Variants in ANKRD13C observed in about 807,000 individuals in gnomAD.
The protein encoded by ANKRD13C is ankyrin repeat domain-containing protein 13C.
A neutral mutation model predicts 65.5 loss-of-function variants in ANKRD13C; 16 were observed. The observed-to-expected ratio is 0.24, with a 90% CI of 0.17 to 0.37. ANKRD13C has a LOEUF of 0.37. ANKRD13C is among the 10% of genes least tolerant of loss of function. The probability of loss-of-function intolerance (pLI) is 1.00; values close to 1 mark genes in which losing one functional copy is unlikely to be tolerated. For missense variants in ANKRD13C, 503 were observed against 655.9 expected (o/e 0.77, Z 2.55); for synonymous variants, 235 against 238.7 (o/e 0.98, Z 0.14).
At chr1:70,273,516 T>C (rs1428893468) in intron 11 of ANKRD13C, among the ~76,000 whole-genome samples, 1 of 152,204 alleles carries the variant, frequency 6.6e-6, no homozygotes, top group South Asian at 2.1e-4. Flanking sequence ...TTTACCACAA[T>C]ATTGTTGAAA....
chr1:70,263,071 T>C (rs1006723795), intron 12 of ANKRD13C, among the ~76,000 whole-genome samples: 2 of 152,036 alleles, frequency 1.3e-5, no homozygotes, highest in African/African-American at 2.4e-5. Context: ...TCCAGCATTA[T>C]ATTGAAAACT....
intron 9 of ANKRD13C, among the ~76,000 whole-genome samples, chr1:70,280,715 T>C (rs1443608320): frequency 6.6e-6 from 1 of 152,176 alleles, no homozygotes; most frequent in African/African-American, 2.4e-5. Context: ...ATGATAAAAA[T>C]GGGCTGTTAA....
rs548847372 is a variant in ANKRD13C at position 70,260,029 on chromosome 1, G to A, written c.*2688C>T. 4.1e-4 allele frequency among the ~76,000 whole-genome samples: 62 copies of A among 152,262 alleles called. No individual in the cohort carries two copies. The highest frequency in any genetic ancestry group is 1.5e-3 in the African/African-American group (61 of 41,566). On this transcript the variant is annotated 3_prime_UTR_variant, in exon 13 of 13. Transcript: ENST00000370944. ...TCATTATTCATCACCCTCCCCCAGT[G>A]TGTGAATAATAAACTGTATGTGAAT...
At chr1:70,313,701 C>A in intron 5 of ANKRD13C, 44 bp downstream of exon 5, 1 of 1,423,914 alleles carries the variant, frequency 7.0e-7, no homozygotes, top group Non-Finnish European at 9.8e-7. Context: ...ACTTGCATTT[C>A]TGCATAAGTA....
intron 11 of ANKRD13C, among the ~76,000 whole-genome samples, chr1:70,273,218 T>A (rs1435832321): frequency 2.0e-5 from 3 of 152,084 alleles, no homozygotes; most frequent in African/African-American, 7.2e-5. Flanking sequence ...ATGTATGTAC[T>A]TTTTAAAAAT....
intron 8 of ANKRD13C, 22 bp downstream of exon 8, chr1:70,296,108 A>G: frequency 6.2e-7 from 1 of 1,606,190 alleles, no homozygotes; most frequent in South Asian, 1.1e-5. Flanking sequence ...CTTAAAGTTT[A>G]AAAATCTAGA....
At chr1:70,313,496 C>T (rs1022550477) in intron 5 of ANKRD13C, among the ~76,000 whole-genome samples, 3 of 149,578 alleles carry the variant, frequency 2.0e-5, no homozygotes, top group Non-Finnish European at 4.4e-5. Flanking sequence ...TACCACTGCA[C>T]TCCAGCCTGG....
intron 12 of ANKRD13C, among the ~76,000 whole-genome samples, chr1:70,267,431 G>A (rs1209830118): frequency 1.3e-5 from 2 of 151,890 alleles, no homozygotes; most frequent in East Asian, 1.9e-4. Context: ...GTACAGTGGC[G>A]CGATCTTGGC....
intron 11 of ANKRD13C, among the ~76,000 whole-genome samples, chr1:70,272,848 C>T (rs1331773945): frequency 2.0e-5 from 3 of 151,780 alleles, no homozygotes; most frequent in African/African-American, 2.4e-5. Context: ...ATTATCCAGG[C>T]GTGGTAGCAC....
chr1:70,342,770 AC>A (rs1356210748), intron 1 of ANKRD13C, among the ~76,000 whole-genome samples: 2 of 151,420 alleles, frequency 1.3e-5, no homozygotes, highest in African/African-American at 4.9e-5. Flanking sequence ...ACACACACAC[AC>A]AAAATAACAC....
rs184608228 is a variant in ANKRD13C, at chr1:70,294,290, G to A, written c.1054-1741C>T. The stretch of plus-strand genomic sequence containing the variant: ...TATAAAAACTGGTGACATTCTGCAA[G>A]GGGATGTGGGACTGTGGGCAGTGGC... On this transcript the variant is annotated intron_variant, in intron 8 of 12. Coordinates refer to ENST00000370944, the MANE Select transcript of ANKRD13C (RefSeq NM_030816.5). Among the ~76,000 whole-genome samples the A allele has an allele frequency of 2.6e-3, 390 of 152,332 alleles. 2 individuals carry two copies. The highest frequency in any genetic ancestry group is 3.3e-3 in the Non-Finnish European group (222 of 68,034).
chr1:70,278,920 G>A (rs1050067696), intron 9 of ANKRD13C, among the ~76,000 whole-genome samples: 21 of 152,066 alleles, frequency 1.4e-4, no homozygotes, highest in Admixed American at 1.4e-3. Context: ...CTTAGTGCAG[G>A]TCAGGTGTGG....
chr1:70,298,737 G>A (rs1680199370), intron 7 of ANKRD13C, among the ~76,000 whole-genome samples: 1 of 152,148 alleles, frequency 6.6e-6, no homozygotes, highest in Non-Finnish European at 1.5e-5. Flanking sequence ...TCACATATGA[G>A]TAAGCAAACT....
intron 8 of ANKRD13C, among the ~76,000 whole-genome samples, chr1:70,293,229 T>C (rs1174253768): frequency 6.6e-6 from 1 of 152,042 alleles, no homozygotes; most frequent in Non-Finnish European, 1.5e-5. Context: ...ACCTTCAACA[T>C]TAACTTTTAC....
intron 6 of ANKRD13C, among the ~76,000 whole-genome samples, chr1:70,303,059 CTT>C (rs1680446394): frequency 6.6e-6 from 1 of 152,042 alleles, no homozygotes; most frequent in Non-Finnish European, 1.5e-5. Flanking sequence ...ACATGGTGAC[CTT>C]TGAGATTTTA....
At chr1:70,265,824 CAAAAAA>C (rs775757290) in intron 12 of ANKRD13C, among the ~76,000 whole-genome samples, 5,838 of 34,964 alleles carry the variant, frequency 0.17, 103 homozygotes, top group East Asian at 0.38. Context: ...GACCTTGCCT[CAAAAAA>C]AAAAAAAAAA....
At chr1:70,312,982 A>C (rs533113328) in intron 5 of ANKRD13C, among the ~76,000 whole-genome samples, 6 of 152,192 alleles carry the variant, frequency 3.9e-5, no homozygotes, top group Admixed American at 6.5e-5. Context: ...GTATGTAAAG[A>C]AAGTGGCTAT....
chr1:70,274,311 T>C (rs1211258068), intron 11 of ANKRD13C, among the ~76,000 whole-genome samples: 1 of 150,828 alleles, frequency 6.6e-6, no homozygotes, highest in Non-Finnish European at 1.5e-5. Flanking sequence ...TCATCTCTAC[T>C]AAAAATACAA....
intron 9 of ANKRD13C, among the ~76,000 whole-genome samples, chr1:70,280,569 T>C (rs185937606): frequency 6.6e-6 from 1 of 152,304 alleles, no homozygotes; most frequent in East Asian, 1.9e-4. Flanking sequence ...CAATACAATA[T>C]AGTAGCTAAA....
Sources: gnomAD v4.1 joint callset for allele counts (sites outside exome capture counted in the v4.1 genomes callset) on GRCh38, gnomAD v4.1.1 for gene constraint, MANE v1.5 for transcripts, NCBI Gene and HGNC (gene_info 2026-07-23, HGNC 2026-07-21) for gene names.